ETFA: variants seen among roughly 807,000 people sequenced by gnomAD.
ETFA encodes the protein electron transfer flavoprotein subunit alpha.
A neutral mutation model predicts 46.2 loss-of-function variants in ETFA; 22 were observed. The ratio of observed to expected loss-of-function variants is 0.48; its 90% CI spans 0.34 to 0.68. The LOEUF (loss-of-function observed/expected upper bound fraction) is 0.68. ETFA is among the 30% of genes least tolerant of loss of function. The probability of loss-of-function intolerance (pLI) is 0.01; values close to 1 mark genes in which losing one functional copy is unlikely to be tolerated. For missense variants in ETFA, 345 were observed against 401.1 expected, an observed-to-expected ratio of 0.86 and a Z score of 1.19; for synonymous variants, 131 against 139.9, an observed-to-expected ratio of 0.94 and a Z score of 0.45.
chr15:76,249,984 A>T (rs146932794), intron 9 of ETFA, among the ~76,000 whole-genome samples: 2 of 152,208 alleles, frequency 1.3e-5, no homozygotes, highest in East Asian at 3.8e-4. Flanking sequence ...TAGCAATTTC[A>T]CCCCAAGGCA....
intron 8 of ETFA, among the ~76,000 whole-genome samples, chr15:76,278,342 T>C (rs973154901): frequency 1.3e-5 from 2 of 152,148 alleles, no homozygotes; most frequent in Non-Finnish European, 2.9e-5. Flanking sequence ...TTCTATTAAC[T>C]CTCCCCCATT....
intron 9 of ETFA, among the ~76,000 whole-genome samples, chr15:76,272,414 G>T (rs2039545983): frequency 6.6e-6 from 1 of 151,840 alleles, no homozygotes; most frequent in Admixed American, 6.6e-5. Context: ...TAGAGACGGG[G>T]TTTCACCATA....
intron 11 of ETFA, among the ~76,000 whole-genome samples, chr15:76,220,722 A>G (rs557456212): frequency 3.3e-5 from 5 of 152,260 alleles, no homozygotes; most frequent in Admixed American, 2.0e-4. Context: ...AGCAGATGAA[A>G]AGATACTAAA....
At chr15:76,271,900 T>A (rs1008569500) in intron 9 of ETFA, among the ~76,000 whole-genome samples, 1 of 132,448 alleles carries the variant, frequency 7.6e-6, no homozygotes, top group Non-Finnish European at 1.6e-5. Context: ...TATATGCGTA[T>A]ATGTGTGTGT....
intron 8 of ETFA, among the ~76,000 whole-genome samples, chr15:76,275,460 C>T (rs966050200): frequency 6.6e-6 from 1 of 152,140 alleles, no homozygotes; most frequent in African/African-American, 2.4e-5. Flanking sequence ...TATCTTTCTC[C>T]ACTCATTTAC....
intron 5 of ETFA, among the ~76,000 whole-genome samples, chr15:76,287,155 C>A (rs374098145): frequency 2.4e-4 from 36 of 152,282 alleles, no homozygotes; most frequent in African/African-American, 8.4e-4. Flanking sequence ...TGAAGAGACA[C>A]TGAAATGAAT....
intron 10 of ETFA, among the ~76,000 whole-genome samples, chr15:76,228,501 A>G (rs74762436): frequency 6.6e-6 from 1 of 152,176 alleles, no homozygotes; most frequent in East Asian, 1.9e-4. Flanking sequence ...CTGCCTTAAA[A>G]GTTATTTTTA....
chr15:76,310,295 G>A (rs2141562866), intron 1 of ETFA, among the ~76,000 whole-genome samples: 1 of 137,578 alleles, frequency 7.3e-6, no homozygotes, highest in Middle Eastern at 4.2e-3. Context: ...AATGTCTACA[G>A]ACATCTAGAA....
intron 9 of ETFA, chr15:76,261,107 C>T: frequency 1.3e-6 from 2 of 1,519,904 alleles, no homozygotes; most frequent in Non-Finnish European, 1.8e-6. Context: ...CACAGGAAAA[C>T]ATGGGTGCTC....
chr15:76,238,890 G>C (rs1286154998), intron 9 of ETFA, among the ~76,000 whole-genome samples: 1 of 152,162 alleles, frequency 6.6e-6, no homozygotes, highest in Non-Finnish European at 1.5e-5. Context: ...CCCGTATTAT[G>C]AAATTCTCAG....
chr15:76,286,035 A>T (rs2039702000), intron 6 of ETFA, among the ~76,000 whole-genome samples: 1 of 152,172 alleles, frequency 6.6e-6, no homozygotes, highest in Admixed American at 6.5e-5. Flanking sequence ...AAAGTGTGAC[A>T]CCCTCCACAC....
intron 9 of ETFA, 59 bp from the exon 10 acceptor site, chr15:76,231,457 GTGTT>G: frequency 9.0e-7 from 1 of 1,111,060 alleles, no homozygotes; most frequent in South Asian, 1.5e-5. Context: ...ACTTTCCAAA[GTGTT>G]TGCTGTTAGC....
intron 4 of ETFA, 24 bp downstream of exon 4, chr15:76,292,407 A>C (rs771286749): frequency 6.6e-7 from 1 of 1,520,742 alleles, no homozygotes; most frequent in Non-Finnish European, 9.1e-7. Context: ...GTGATATCAG[A>C]TTCCACATTC....
intron 11 of ETFA, among the ~76,000 whole-genome samples, chr15:76,222,121 T>A (rs2142105076): frequency 6.6e-6 from 1 of 151,630 alleles, no homozygotes; most frequent in South Asian, 2.1e-4. Context: ...GCTAATTAAT[T>A]CTCACCCATA....
intron 1 of ETFA, among the ~76,000 whole-genome samples, chr15:76,308,895 A>C (rs548193864): frequency 1.3e-5 from 2 of 152,366 alleles, no homozygotes; most frequent in African/African-American, 2.4e-5. Flanking sequence ...CAAATGGTTC[A>C]GAAAGATAGT....
intron 10 of ETFA, among the ~76,000 whole-genome samples, chr15:76,229,720 G>T (rs1252393443): frequency 2.6e-5 from 4 of 152,114 alleles, no homozygotes; most frequent in Non-Finnish European, 5.9e-5. Flanking sequence ...CTGGTTTTGG[G>T]CCAGTTCATT....
At chr15:76,236,693 G>A (rs111849590) in intron 9 of ETFA, among the ~76,000 whole-genome samples, 3,632 of 152,238 alleles carry the variant, frequency 0.024, 142 homozygotes, top group African/African-American at 0.084. Context: ...TTAAACAAGA[G>A]TAGCCAATAT....
At position 76,216,582 on chromosome 15, in the gene ETFA, T is replaced by A; in HGVS notation, c.979A>T (p.Thr327Ser). Residue 327 changes from threonine (T) to serine (S), a missense_variant, in exon 12 of 12, where the codon ACT (threonine) becomes TCT (serine). Physicochemically the swap from Thr to Ser is moderately conservative, Grantham distance 58 (BLOSUM62 1). Coordinates refer to ENST00000557943, the MANE Select transcript of ETFA (RefSeq NM_000126.4). ...ATTCATTTTTTCTTCAATATCTCAGTCATTTCAGGAACTACCTGCAAATAA... is the reference window on the plus strand; with the variant it reads ...ATTCATTTTTTCTTCAATATCTCAGACATTTCAGGAACTACCTGCAAATAA... ...ADLFKVVPEMTEILKKK is the reference protein window; with the variant it reads ...ADLFKVVPEMSEILKKK 1 of 1,592,144 alleles carries A rather than the reference T, an allele frequency of 6.3e-7. No individual in the cohort carries two copies. Among genetic ancestry groups the A allele is most frequent in the Non-Finnish European group, 8.6e-7 (1 of 1,160,022 alleles).
chr15:76,281,406 C>G (rs1056688610), intron 8 of ETFA, among the ~76,000 whole-genome samples: 1 of 151,976 alleles, frequency 6.6e-6, no homozygotes, highest in Non-Finnish European at 1.5e-5. Flanking sequence ...ATTAGTCTCC[C>G]TAACACTTAC....
Sources: allele counts gnomAD v4.1 joint callset (sites outside exome capture counted in the v4.1 genomes callset), GRCh38; gene constraint gnomAD v4.1.1; transcripts MANE v1.5; gene names NCBI Gene and HGNC (gene_info 2026-07-23, HGNC 2026-07-21).